Variants in SASH1 observed in about 807,000 individuals in gnomAD.
SASH1 encodes the protein SAM and SH3 domain-containing protein 1.
In SASH1, 44 loss-of-function variants were observed where a neutral mutation model predicts 125.2. That is an observed-to-expected ratio of 0.35 (90% CI 0.28 to 0.45). SASH1 has a LOEUF of 0.45. Among genes scored for constraint, SASH1 ranks in the 20% least tolerant of loss-of-function variants. The pLI is 1.00. For synonymous variants in SASH1, 639 were observed against 649.1 expected (o/e 0.98, Z 0.24); for missense variants, 1,426 against 1,614.5 (o/e 0.88, Z 2.00).
the SASH1 span, among the ~76,000 whole-genome samples, chr6:148,255,839 A>G: frequency 6.6e-6 from 1 of 152,054 alleles, no homozygotes; most frequent in East Asian, 1.9e-4. Flanking sequence ...AGGGGGTTTC[A>G]CCATGCTGCC....
At chr6:148,470,102 C>T (rs1778030100) in intron 5 of SASH1, among the ~76,000 whole-genome samples, 3 of 151,868 alleles carry the variant, frequency 2.0e-5, no homozygotes, top group Admixed American at 6.6e-5. Context: ...TGTCCAAGAG[C>T]AAGATTGAGT....
rs368166231 is a variant in SASH1, at chr6:148,378,602, C to A, written c.157-11532C>A. On this transcript the variant is annotated intron_variant, in intron 1 of 19. Coordinates refer to ENST00000367467, the MANE Select transcript of SASH1 (RefSeq NM_015278.5). Reference sequence around the variant, plus strand: ...CTCAAACTCCTGGGCTCAAGTGATCCGCCTGCCTTAAAGTGCTGTGATTAT... The same window carrying A: ...CTCAAACTCCTGGGCTCAAGTGATCAGCCTGCCTTAAAGTGCTGTGATTAT... Among the ~76,000 whole-genome samples, 7 of 152,264 alleles carry A rather than the reference C, an allele frequency of 4.6e-5. No homozygotes were observed. The South Asian group carries it at 1.4e-3, about 32-fold the overall frequency.
At chr6:148,429,511 G>A (rs4895753) in intron 2 of SASH1, among the ~76,000 whole-genome samples, 66,011 of 151,718 alleles carry the variant, frequency 0.44, 14,636 homozygotes, top group South Asian at 0.66. Context: ...ATCATTTTGG[G>A]AGGCTGAGGT....
At chr6:148,384,815 T>C (rs2114798055) in intron 1 of SASH1, among the ~76,000 whole-genome samples, 1 of 152,334 alleles carries the variant, frequency 6.6e-6, no homozygotes, top group Middle Eastern at 3.4e-3. Flanking sequence ...GGAATAAGTA[T>C]ATGCCATACC....
chr6:148,371,152 G>A (rs1020372363), intron 1 of SASH1, among the ~76,000 whole-genome samples: 1 of 152,142 alleles, frequency 6.6e-6, no homozygotes, highest in Non-Finnish European at 1.5e-5. Context: ...CCACAGAGGA[G>A]GATGGGGAGA....
upstream of SASH1, among the ~76,000 whole-genome samples, chr6:148,268,101 ACTTT>A: frequency 6.6e-6 from 1 of 152,192 alleles, no homozygotes; most frequent in East Asian, 1.9e-4. Flanking sequence ...TAGTTCCTGA[ACTTT>A]CTAGTTCAGG....
At chr6:148,206,080 A>T in the SASH1 span, among the ~76,000 whole-genome samples, 10 of 152,208 alleles carry the variant, frequency 6.6e-5, no homozygotes, top group African/African-American at 9.7e-5. Context: ...CAGCATAAAG[A>T]TAAATAATTA....
chr6:148,401,528 G>A (rs1418708993), intron 2 of SASH1, among the ~76,000 whole-genome samples: 1 of 152,120 alleles, frequency 6.6e-6, no homozygotes, highest in Non-Finnish European at 1.5e-5. Flanking sequence ...AAGAATCTAA[G>A]TTCAGGAGTA....
At chr6:148,493,023 C>T (rs1199228732) in intron 8 of SASH1, among the ~76,000 whole-genome samples, 1 of 152,196 alleles carries the variant, frequency 6.6e-6, no homozygotes, top group Non-Finnish European at 1.5e-5. Flanking sequence ...CATATGCTTC[C>T]TCCTCTCAGA....
At chr6:148,231,709 G>C in the SASH1 span, among the ~76,000 whole-genome samples, 1 of 151,996 alleles carries the variant, frequency 6.6e-6, no homozygotes, top group African/African-American at 2.4e-5. Context: ...GTGAACATAA[G>C]CTCAGTATAA....
intron 1 of SASH1, among the ~76,000 whole-genome samples, chr6:148,277,279 C>G (rs1779213839): frequency 6.6e-6 from 1 of 152,190 alleles, no homozygotes; most frequent in African/African-American, 2.4e-5. Flanking sequence ...TAAAGTCCAG[C>G]CTGTTGGACA....
chr6:148,344,877 T>A (rs527752273), intron 1 of SASH1, among the ~76,000 whole-genome samples: 1 of 151,854 alleles, frequency 6.6e-6, no homozygotes, highest in East Asian at 1.9e-4. Context: ...TGCCTCAGCC[T>A]CCTGAGTAGC....
chr6:148,425,942 C>T (rs574844335), intron 2 of SASH1, among the ~76,000 whole-genome samples: 72 of 152,108 alleles, frequency 4.7e-4, no homozygotes, highest in South Asian at 8.3e-4. Flanking sequence ...GGCGTGGTGG[C>T]GCATACCTGT....
chr6:148,327,695 C>G (rs1470519965), intron 1 of SASH1, among the ~76,000 whole-genome samples: 2 of 150,836 alleles, frequency 1.3e-5, no homozygotes, highest in Non-Finnish European at 3.0e-5. Context: ...AATCCCAACA[C>G]TTTGGGAGGC....
At chr6:148,212,076 CA>C in the SASH1 span, among the ~76,000 whole-genome samples, 1 of 152,152 alleles carries the variant, frequency 6.6e-6, no homozygotes, top group Non-Finnish European at 1.5e-5. Context: ...CACTGGGAGA[CA>C]CTTTGATAGC....
chr6:148,239,911 A>C, the SASH1 span: 1 of 152,242 alleles, frequency 6.6e-6, no homozygotes, highest in Non-Finnish European at 1.5e-5. Flanking sequence ...CACACAAGCC[A>C]GATGGGAGCT....
At chr6:148,283,916 C>G (rs956913176) in intron 1 of SASH1, among the ~76,000 whole-genome samples, 1 of 140,616 alleles carries the variant, frequency 7.1e-6, no homozygotes, top group Admixed American at 7.1e-5. Context: ...GGGGAAATAT[C>G]ATATCTATGT....
rs149519869 is a variant in SASH1, at chr6:148,377,724, T to C, written c.157-12410T>C. Among the ~76,000 whole-genome samples, 138 of 152,310 alleles carry C rather than the reference T, an allele frequency of 9.1e-4. 1 individual carries two copies. The highest frequency in any genetic ancestry group is 3.2e-3 in the African/African-American group (131 of 41,572). Reference sequence around the variant, plus strand: ...TTGAAATTCTAGATCTTTATTTTTATAATAGGTTGGAATTCTGTGCCACTC... The same window carrying C: ...TTGAAATTCTAGATCTTTATTTTTACAATAGGTTGGAATTCTGTGCCACTC... On this transcript the variant is annotated intron_variant, in intron 1 of 19. Transcript: ENST00000367467.
chr6:148,346,363 T>C (rs1246847044), intron 1 of SASH1, among the ~76,000 whole-genome samples: 1 of 152,078 alleles, frequency 6.6e-6, no homozygotes, highest in Non-Finnish European at 1.5e-5. Context: ...GTTAACAAAG[T>C]GCTCATTTAG....
Sources: gnomAD v4.1 joint callset for allele counts (sites outside exome capture counted in the v4.1 genomes callset) on GRCh38, gnomAD v4.1.1 for gene constraint, MANE v1.5 for transcripts, NCBI Gene and HGNC (gene_info 2026-07-23, HGNC 2026-07-21) for gene names.